Variants in NAA16 observed in about 807,000 individuals in gnomAD.
NAA16 encodes N-alpha-acetyltransferase 16, NatA auxiliary subunit, also known as NARG1-like protein.
Under a neutral mutation model 110.3 loss-of-function variants are expected in NAA16, and 97 were observed. The observed-to-expected ratio is 0.88, with a 90% CI of 0.75 to 1.04. The LOEUF is 1.04. Ranked by LOEUF, NAA16 falls within the 50% of genes least tolerant of loss-of-function variation. The probability of loss-of-function intolerance (pLI) is 0.00; values close to 1 mark genes in which losing one functional copy is unlikely to be tolerated. For missense variants in NAA16, 1,017 were observed against 1,005.1 expected (o/e 1.01, Z -0.16); for synonymous variants, 372 against 330.6 (o/e 1.13, Z -1.36).
intron 6 of NAA16, 85 bp downstream of exon 6, chr13:41,325,936 A>G (rs1438228193): frequency 1.8e-5 from 20 of 1,107,142 alleles, no homozygotes; most frequent in South Asian, 5.7e-5. Context: ...CTTACGTAAC[A>G]GTTGTTATGT....
Position 41,375,778 on chromosome 13 carries a change from G to A in NAA16, c.*176G>A, listed in dbSNP as rs971771901. The A allele has an allele frequency of 4.7e-5, 24 of 508,818 alleles. No homozygotes were observed. The highest frequency in any genetic ancestry group is 7.9e-5 in the Non-Finnish European group (23 of 291,976). 31.5% of individuals were successfully genotyped at this position (508,818 alleles called of 1,614,324 possible). Reference sequence around the variant, plus strand: ...GACCTGCCAATTTACATAACCATCTGTTAAAATTACCTGTTTATTCTTACA... The same window carrying A: ...GACCTGCCAATTTACATAACCATCTATTAAAATTACCTGTTTATTCTTACA... On this transcript the variant is annotated 3_prime_UTR_variant, in exon 20 of 20. Transcript: ENST00000379406.
chr13:41,316,034 C>A (rs750171236), intron 1 of NAA16, among the ~76,000 whole-genome samples: 16 of 152,118 alleles, frequency 1.1e-4, no homozygotes, highest in Non-Finnish European at 2.1e-4. Context: ...CCTCCCAAAG[C>A]ATTGGAATTA....
chr13:41,319,090 G>A (rs548649779), intron 3 of NAA16, among the ~76,000 whole-genome samples, 180 bp downstream of exon 3: 45 of 151,880 alleles, frequency 3.0e-4, no homozygotes, highest in African/African-American at 1.1e-3. Context: ...TTTTTTGCTT[G>A]TGCCCCTCCT....
intron 13 of NAA16, chr13:41,362,832 TCCCA>T (rs1566295475): frequency 7.8e-7 from 1 of 1,289,226 alleles, no homozygotes; most frequent in Non-Finnish European, 1.0e-6. Context: ...GCACCACTGT[TCCCA>T]TCCTGACGCA....
intron 9 of NAA16, among the ~76,000 whole-genome samples, chr13:41,344,905 A>G (rs996507873): frequency 2.0e-5 from 3 of 152,192 alleles, no homozygotes; most frequent in Non-Finnish European, 2.9e-5. Flanking sequence ...CGTCCCTCTC[A>G]GCTATAGGCA....
At chr13:41,321,298 AAAAAC>A (rs1342730344) in intron 4 of NAA16, among the ~76,000 whole-genome samples, 2 of 152,184 alleles carry the variant, frequency 1.3e-5, no homozygotes, top group Non-Finnish European at 2.9e-5. Context: ...CTTTTTCTCA[AAAAAC>A]AAAACAAAAA....
intron 9 of NAA16, among the ~76,000 whole-genome samples, chr13:41,346,101 A>G (rs2042673901): frequency 6.6e-6 from 1 of 152,164 alleles, no homozygotes; most frequent in Non-Finnish European, 1.5e-5. Flanking sequence ...ATGAAGATTT[A>G]TAAACATGTT....
intron 1 of NAA16, among the ~76,000 whole-genome samples, chr13:41,313,331 A>G (rs2041701257): frequency 6.6e-6 from 1 of 152,198 alleles, no homozygotes. Flanking sequence ...AATTGCTGGG[A>G]TTACAGATGT....
chr13:41,369,201 AAAATC>A lies in NAA16; in HGVS notation c.1869_1873del (p.Asn623LysfsTer6). 4.4e-6 allele frequency: 7 copies of A among 1,600,430 alleles called. No homozygotes were observed. The highest frequency in any genetic ancestry group is 6.0e-6 in the Non-Finnish European group (7 of 1,174,784). ...CATGCAGAAAGAGAACGTCAACAGA[AAAATC>A]AAAAGAAAAAAAGAGATGAAGAAGA... On this transcript the variant is annotated frameshift_variant, in exon 15 of 20. Coordinates refer to ENST00000379406, the MANE Select transcript of NAA16 (RefSeq NM_024561.5). LOFTEE classifies it high-confidence loss of function.
At chr13:41,350,428 G>T (rs968737524) in intron 9 of NAA16, among the ~76,000 whole-genome samples, 2 of 151,654 alleles carry the variant, frequency 1.3e-5, no homozygotes, top group Non-Finnish European at 2.9e-5. Flanking sequence ...GGAGTAGCTG[G>T]GACTACAGGC....
At chr13:41,327,546 T>TA (rs1362412938) in intron 6 of NAA16, among the ~76,000 whole-genome samples, 2 of 151,888 alleles carry the variant, frequency 1.3e-5, no homozygotes, top group African/African-American at 4.8e-5. Flanking sequence ...TTTTGAAAAG[T>TA]AAATATGGTA....
At chr13:41,332,642 A>G (rs1374411906) in intron 8 of NAA16, among the ~76,000 whole-genome samples, 4 of 152,266 alleles carry the variant, frequency 2.6e-5, no homozygotes, top group Non-Finnish European at 5.9e-5. Context: ...ATTTCTTTTG[A>G]CACAAGTCAG....
chr13:41,358,132 A>G (rs572202403), intron 10 of NAA16, among the ~76,000 whole-genome samples, 172 bp from the exon 11 acceptor site: 2 of 152,256 alleles, frequency 1.3e-5, no homozygotes, highest in African/African-American at 2.4e-5. Context: ...CATGGCTGCC[A>G]CTTTTTGAAC....
chr13:41,361,011 A>G (rs1018887828), intron 12 of NAA16, among the ~76,000 whole-genome samples: 3 of 152,220 alleles, frequency 2.0e-5, no homozygotes, highest in African/African-American at 7.2e-5. Flanking sequence ...TGAAAATTGA[A>G]CTGATACACA....
chr13:41,331,250 C>T lies in NAA16; in HGVS notation c.812-24C>T, dbSNP rs375996379. 49 of 1,417,674 alleles carry T rather than the reference C, an allele frequency of 3.5e-5. No homozygotes were observed. In the African/African-American group the frequency reaches 6.5e-4, roughly 19 times the overall value. 87.8% of individuals were successfully genotyped at this position (1,417,674 alleles called of 1,614,324 possible). ...AGATAAAAGTTTTGATGCTATGAAT[C>T]TCACCCATATTTACTGATAATAGGC... On this transcript the variant is annotated intron_variant, in intron 7 of 19. Coordinates refer to ENST00000379406, the MANE Select transcript of NAA16 (RefSeq NM_024561.5).
chr13:41,362,171 G>C lies in NAA16; in HGVS notation c.1539+12G>C. The C allele has an allele frequency of 6.3e-7, 1 of 1,584,668 alleles. No individual in the cohort carries two copies. On this transcript the variant is annotated intron_variant, in intron 13 of 19. Coordinates refer to ENST00000379406, the MANE Select transcript of NAA16 (RefSeq NM_024561.5). Reference sequence around the variant, plus strand: ...ATGAAGTAGAAAGGGTAAGTTGTTAGAATTTCGACTTCAGTTTTCACTGTA... The same window carrying C: ...ATGAAGTAGAAAGGGTAAGTTGTTACAATTTCGACTTCAGTTTTCACTGTA...
chr13:41,328,643 A>G, intron 6 of NAA16, 81 bp from the exon 7 acceptor site: 1 of 1,174,848 alleles, frequency 8.5e-7, no homozygotes, highest in Non-Finnish European at 1.2e-6. Flanking sequence ...CCATCTGTTC[A>G]CTGATAATGT....
intron 4 of NAA16, among the ~76,000 whole-genome samples, chr13:41,322,553 C>T (rs566126406): frequency 6.6e-6 from 1 of 152,092 alleles, no homozygotes; most frequent in Admixed American, 6.5e-5. Flanking sequence ...TAATACTGAC[C>T]TAGACTTTAA....
At position 41,369,123 on chromosome 13, in the gene NAA16, T is replaced by A. The variant is rs775675945; in HGVS notation, c.1787T>A (p.Leu596His). 46 of 1,570,676 alleles carry A rather than the reference T, an allele frequency of 2.9e-5. No homozygotes were observed. The highest frequency in any genetic ancestry group is 3.8e-5 in the Non-Finnish European group (44 of 1,167,806). ...NLSAKELKKM[L>H]SKQRRAQKKA... ...TCAGCCAAAGAATTGAAGAAAATGCTTAGCAAGCAGAGAAGAGCTCAGAAA... is the reference window on the plus strand; with the variant it reads ...TCAGCCAAAGAATTGAAGAAAATGCATAGCAAGCAGAGAAGAGCTCAGAAA... The change falls in exon 15 of 20, where the codon CTT becomes CAT. Residue 596 changes from leucine to histidine, a missense_variant. Physicochemically the swap from Leu to His is moderately conservative, Grantham distance 99 (BLOSUM62 -3). Coordinates refer to ENST00000379406, the MANE Select transcript of NAA16 (RefSeq NM_024561.5).
Sources: gnomAD v4.1 joint callset for allele counts (sites outside exome capture counted in the v4.1 genomes callset) on GRCh38, gnomAD v4.1.1 for gene constraint, MANE v1.5 for transcripts, NCBI Gene and HGNC (gene_info 2026-07-23, HGNC 2026-07-21) for gene names.